The following SRP72 variants were observed in gnomAD, a reference collection of about 807,000 sequenced individuals.
SRP72 encodes the protein signal recognition particle subunit SRP72.
SRP72 carries 49 observed loss-of-function variants against 96.3 expected under a neutral mutation model. The observed-to-expected ratio is 0.51, with a 90% CI of 0.40 to 0.65. SRP72 has a LOEUF of 0.65. Ranked by LOEUF, SRP72 falls within the 30% of genes least tolerant of loss-of-function variation. The pLI is 0.00. For missense variants in SRP72, 736 were observed against 793.3 expected, an observed-to-expected ratio of 0.93 and a Z score of 0.87; for synonymous variants, 267 against 275.2, an observed-to-expected ratio of 0.97 and a Z score of 0.30.
chr4:56,496,473 C>T (rs149302870), intron 17 of SRP72, among the ~76,000 whole-genome samples: 2 of 152,274 alleles, frequency 1.3e-5, no homozygotes, highest in East Asian at 3.9e-4. Flanking sequence ...TGAAAATTGG[C>T]AAACATTTAA....
chr4:56,501,291 C>T (rs973560770), intron 18 of SRP72, among the ~76,000 whole-genome samples: 20 of 151,872 alleles, frequency 1.3e-4, no homozygotes, highest in Non-Finnish European at 1.9e-4. Flanking sequence ...ACCTGTAATC[C>T]CAGCTACTCG....
intron 17 of SRP72, among the ~76,000 whole-genome samples, chr4:56,499,796 A>G (rs956287878): frequency 6.6e-6 from 1 of 152,218 alleles, no homozygotes; most frequent in Non-Finnish European, 1.5e-5. Flanking sequence ...CCATTGTGGA[A>G]GACAGTGTGG....
chr4:56,467,685 A>G lies in SRP72; in HGVS notation c.50A>G (p.Glu17Gly), dbSNP rs983709667. 4 of 1,568,374 alleles carry G rather than the reference A, an allele frequency of 2.6e-6. No homozygotes were observed. The Admixed American group carries it at 7.6e-5, about 30-fold the overall frequency. The part of the protein sequence containing the change: ...GGVSVPALWS[E>G]VNRYGQNGDF... ...GTGTCAGTACCTGCGCTGTGGAGTGAAGTGAACCGGTATGGCCAGAACGGC... is the reference window on the plus strand; with the variant it reads ...GTGTCAGTACCTGCGCTGTGGAGTGGAGTGAACCGGTATGGCCAGAACGGC... The change falls in exon 1 of 19, where the codon GAA (glutamate) becomes GGA (glycine). Residue 17 changes from glutamate (E) to glycine (G), a missense_variant. Glu to Gly is a moderately conservative substitution (Grantham distance 98, BLOSUM62 -2). This residue lies in a region of SRP72 where 329 missense variants were observed against 319.0 expected (regional missense o/e 1.03). Transcript: ENST00000642900.
At chr4:56,468,185 C>T (rs1423735373) in intron 1 of SRP72, among the ~76,000 whole-genome samples, 1 of 152,162 alleles carries the variant, frequency 6.6e-6, no homozygotes, top group Admixed American at 6.5e-5. Flanking sequence ...GGGGAGGAAC[C>T]TGCTTGGGAC....
Position 56,469,755 on chromosome 4 carries a change from A to G in SRP72, c.212A>G (p.His71Arg). ...GAAGCTTTGAATGTCATCAATACTC[A>G]CACCAAAGTGTTAGCCAAGTAAGTG... Reference protein sequence around the residue: ...FKEALNVINTHTKVLANNSLS... With the variant: ...FKEALNVINTRTKVLANNSLS... The change falls in exon 2 of 19, where the codon CAC (histidine) becomes CGC (arginine). Residue 71 changes from histidine to arginine, a missense_variant. Physicochemically the swap from His to Arg is conservative, Grantham distance 29 (BLOSUM62 0). Around this residue, in one of 3 missense-constraint regions of SRP72, gnomAD observed 329 missense variants for 319.0 expected, o/e 1.03. Coordinates refer to ENST00000642900, the MANE Select transcript of SRP72 (RefSeq NM_006947.4). 1 of 1,609,442 alleles carries G rather than the reference A, an allele frequency of 6.2e-7. No individual in the cohort carries two copies. Among genetic ancestry groups the G allele is most frequent in the Non-Finnish European group, 8.5e-7 (1 of 1,176,672 alleles).
At chr4:56,496,421 A>G (rs555816291) in intron 17 of SRP72, among the ~76,000 whole-genome samples, 52 of 152,170 alleles carry the variant, frequency 3.4e-4, no homozygotes, top group African/African-American at 1.0e-3. Flanking sequence ...CCATTTCACT[A>G]TCTTTAACTG....
Position 56,483,158 on chromosome 4 carries a change from C to G in SRP72, c.845C>G (p.Ser282Cys). ...TGTTAGGACCAAAATGTCTTTGACT[C>G]CAAGAAGAAAGTGAAATTAACCAAT... The part of the protein sequence containing the change: ...TINKDQNVFD[S>C]KKKVKLTNAE... Residue 282 changes from serine to cysteine, a missense_variant, in exon 9 of 19, where the codon TCC (serine) becomes TGC (cysteine). By Grantham distance (112) the Ser-to-Cys change is moderately radical (BLOSUM62 -1). Transcript: ENST00000642900. 1 of 1,610,850 alleles carries G rather than the reference C, an allele frequency of 6.2e-7. No individual in the cohort carries two copies. The highest frequency in any genetic ancestry group is 1.1e-5 in the South Asian group (1 of 90,850).
At chr4:56,485,938 G>A (rs967852117) in intron 10 of SRP72, among the ~76,000 whole-genome samples, 5 of 152,098 alleles carry the variant, frequency 3.3e-5, no homozygotes, top group Non-Finnish European at 7.4e-5. Context: ...GGTATTATAA[G>A]TAACCTAGCA....
At chr4:56,493,663 G>A (rs763519576) in intron 16 of SRP72, among the ~76,000 whole-genome samples, 2 of 151,900 alleles carry the variant, frequency 1.3e-5, no homozygotes, top group African/African-American at 2.4e-5. Context: ...TCAGGAGTTC[G>A]AAACCAGCCT....
At chr4:56,471,897 C>T (rs902730777) in intron 3 of SRP72, 54 bp downstream of exon 3, 16 of 1,600,152 alleles carry the variant, frequency 1.0e-5, no homozygotes, top group Middle Eastern at 1.7e-4. Flanking sequence ...AGCATGACTA[C>T]CTCTAGCAAG....
intron 9 of SRP72, 26 bp from the exon 10 acceptor site, chr4:56,484,710 T>A: frequency 6.2e-7 from 1 of 1,611,488 alleles, no homozygotes. Flanking sequence ...AGTTTATTTT[T>A]CTTGTGGGGG....
chr4:56,472,036 G>A (rs1204842940), intron 3 of SRP72, among the ~76,000 whole-genome samples, 193 bp downstream of exon 3: 11 of 152,128 alleles, frequency 7.2e-5, no homozygotes, highest in Admixed American at 7.2e-4. Flanking sequence ...AATGTGCTAT[G>A]AACAAATGAC....
At chr4:56,476,837 C>A in intron 6 of SRP72, 135 bp downstream of exon 6, 1 of 802,826 alleles carries the variant, frequency 1.2e-6, no homozygotes, top group East Asian at 2.8e-5. Context: ...TAGAAACCAC[C>A]CTCTAGTATC....
chr4:56,492,657 A>C (rs1336754767), intron 16 of SRP72, among the ~76,000 whole-genome samples: 1 of 152,228 alleles, frequency 6.6e-6, no homozygotes, highest in African/African-American at 2.4e-5. Flanking sequence ...TGTTCTCATA[A>C]TAACTTCCAA....
intron 13 of SRP72, 65 bp from the exon 14 acceptor site, chr4:56,490,268 A>G (rs1040556289): frequency 1.6e-6 from 2 of 1,289,456 alleles, no homozygotes; most frequent in African/African-American, 1.5e-5. Flanking sequence ...TCTAATGAAT[A>G]TAACTGCATG....
chr4:56,501,956 C>G lies in SRP72; in HGVS notation c.*95C>G. On this transcript the variant is annotated 3_prime_UTR_variant, in exon 19 of 19. Coordinates refer to ENST00000642900, the MANE Select transcript of SRP72 (RefSeq NM_006947.4). ...ACAGCAAGAAGCACAGAACTACTCC[C>G]TCTTCATCTCCATATTTTCATAATT... The G allele has an allele frequency of 8.3e-7, 1 of 1,203,220 alleles. No homozygotes were observed. Among genetic ancestry groups the G allele is most frequent in the Non-Finnish European group, 1.2e-6 (1 of 832,444 alleles). The allele number at this position is 1,203,220 out of a possible 1,614,324, so 74.5% of individuals were successfully genotyped here.
At chr4:56,487,430 T>C (rs1347571922) in intron 11 of SRP72, among the ~76,000 whole-genome samples, 1 of 152,204 alleles carries the variant, frequency 6.6e-6, no homozygotes, top group Non-Finnish European at 1.5e-5. Context: ...TAGTTTATTT[T>C]TTCAAGGATT....
intron 11 of SRP72, among the ~76,000 whole-genome samples, 188 bp from the exon 12 acceptor site, chr4:56,487,761 C>T (rs1018276566): frequency 1.3e-5 from 2 of 152,130 alleles, no homozygotes; most frequent in African/African-American, 4.8e-5. Flanking sequence ...AACTCAATTT[C>T]CTTATCTCTA....
In SRP72 at chr4:56,467,677, G is replaced by C. The variant is rs748234107; in HGVS notation, c.42G>C (p.Leu14=). ...GCGGGGGGGTGTCAGTACCTGCGCT[G>C]TGGAGTGAAGTGAACCGGTATGGCC... ...GGSGGVSVPA[L]WSEVNRYGQN... The change falls in exon 1 of 19, where the codon CTG becomes CTC. Residue 14 remains leucine (L), a synonymous_variant. Transcript: ENST00000642900. 1.3e-6 allele frequency: 2 copies of C among 1,567,272 alleles called. No homozygotes were observed. The highest frequency in any genetic ancestry group is 1.7e-6 in the Non-Finnish European group (2 of 1,159,034).
Sources: gnomAD v4.1 joint callset for allele counts (sites outside exome capture counted in the v4.1 genomes callset) on GRCh38, gnomAD v4.1.1 for gene constraint, gnomAD v4.1.1 regional missense constraint, MANE v1.5 for transcripts, NCBI Gene and HGNC (gene_info 2026-07-23, HGNC 2026-07-21) for gene names.